Variants in EGFR observed in about 807,000 individuals in gnomAD.
EGFR encodes epidermal growth factor receptor.
A neutral mutation model predicts 143.0 loss-of-function variants in EGFR; 58 were observed. That is an observed-to-expected ratio of 0.41 (90% CI 0.33 to 0.50). EGFR has a LOEUF of 0.50. EGFR is among the 20% of genes least tolerant of loss of function. EGFR has a pLI of 0.39. For synonymous variants in EGFR, 613 were observed against 594.4 expected (o/e 1.03, Z -0.45); for missense variants, 1,307 against 1,579.0 (o/e 0.83, Z 2.92).
chr7:55,202,015 C>T (rs1787872404), intron 26 of EGFR, among the ~76,000 whole-genome samples: 1 of 152,064 alleles, frequency 6.6e-6, no homozygotes, highest in African/African-American at 2.4e-5. Context: ...AGGCCACTGC[C>T]CCAGTTTGAC....
At chr7:55,185,112 C>A (rs1210692066) in intron 20 of EGFR, among the ~76,000 whole-genome samples, 1 of 151,538 alleles carries the variant, frequency 6.6e-6, no homozygotes, top group African/African-American at 2.4e-5. Flanking sequence ...ACTAAACTGC[C>A]AAAGAGATTA....
chr7:55,185,737 G>T (rs949066004), intron 20 of EGFR, among the ~76,000 whole-genome samples: 1 of 152,188 alleles, frequency 6.6e-6, no homozygotes, highest in African/African-American at 2.4e-5. Context: ...AACAACGCAC[G>T]GTAGCGGTGG....
At chr7:55,156,890 C>G (rs755846976) in intron 10 of EGFR, 58 bp downstream of exon 10, 1 of 1,611,974 alleles carries the variant, frequency 6.2e-7, no homozygotes, top group Admixed American at 1.7e-5. Flanking sequence ...AGAGAGAGAA[C>G]TTTTCGACAT....
chr7:55,092,854 A>G (rs931786507), intron 1 of EGFR, among the ~76,000 whole-genome samples: 5 of 152,224 alleles, frequency 3.3e-5, no homozygotes, highest in African/African-American at 1.2e-4. Flanking sequence ...TATGGTTCTG[A>G]TGATGTTACT....
chr7:55,141,907 T>G (rs1794480538), intron 1 of EGFR, among the ~76,000 whole-genome samples: 1 of 152,238 alleles, frequency 6.6e-6, no homozygotes, highest in Admixed American at 6.5e-5. Flanking sequence ...TAATCCTGTC[T>G]TCAAGATTTT....
intron 7 of EGFR, among the ~76,000 whole-genome samples, chr7:55,154,917 G>A (rs1584174942): frequency 2.0e-5 from 3 of 148,484 alleles, no homozygotes; most frequent in South Asian, 2.1e-4. Context: ...ATTCCGTATG[G>A]AAAAAAAAAA....
At chr7:55,047,886 G>C (rs918541305) in intron 1 of EGFR, among the ~76,000 whole-genome samples, 2 of 152,152 alleles carry the variant, frequency 1.3e-5, no homozygotes, top group Non-Finnish European at 2.9e-5. Flanking sequence ...AACTGGGAAA[G>C]TATTTCACTG....
chr7:55,205,705 G>T lies in EGFR; in HGVS notation c.*88G>T. On this transcript the variant is annotated 3_prime_UTR_variant, in exon 28 of 28. Transcript: ENST00000275493. ...GCAGGTCCTCCATCCCAACAGCCAT[G>T]CCCGCATTAGCTCTTAGACCCACAG... 6.2e-7 allele frequency: 1 copy of T among 1,602,914 alleles called. No individual in the cohort carries two copies. Among genetic ancestry groups the T allele is most frequent in the Non-Finnish European group, 8.5e-7 (1 of 1,172,826 alleles).
At chr7:55,152,227 C>A in intron 5 of EGFR, 1 of 497,684 alleles carries the variant, frequency 2.0e-6, no homozygotes. Context: ...GCTGTTAGGC[C>A]CTTCTAAACA....
At chr7:55,058,908 A>G (rs1788997776) in intron 1 of EGFR, among the ~76,000 whole-genome samples, 1 of 152,234 alleles carries the variant, frequency 6.6e-6, no homozygotes, top group Non-Finnish European at 1.5e-5. Context: ...TCATTTAATG[A>G]TCTAAAAATA....
intron 1 of EGFR, among the ~76,000 whole-genome samples, chr7:55,102,939 A>G (rs973649474): frequency 1.3e-5 from 2 of 152,240 alleles, no homozygotes; most frequent in Non-Finnish European, 2.9e-5. Flanking sequence ...TGAAAGAGGA[A>G]CATTTCAGAC....
In EGFR at chr7:55,191,758, G is replaced by A. The variant is rs761920220; in HGVS notation, c.2509G>A (p.Asp837Asn). 3.7e-6 allele frequency: 6 copies of A among 1,613,854 alleles called. No individual in the cohort carries two copies. The African/African-American group carries it at 4.0e-5, about 11-fold the overall frequency. Residue 837 changes from aspartate (D) to asparagine (N), a missense_variant, in exon 21 of 28, where the codon GAC becomes AAC. Coordinates refer to ENST00000275493, the MANE Select transcript of EGFR (RefSeq NM_005228.5). ...GGAGGACCGTCGCTTGGTGCACCGC[G>A]ACCTGGCAGCCAGGAACGTACTGGT... ...YLEDRRLVHR[D>N]LAARNVLVKT...
At chr7:55,060,963 T>C (rs1340382142) in intron 1 of EGFR, among the ~76,000 whole-genome samples, 1 of 152,216 alleles carries the variant, frequency 6.6e-6, no homozygotes, top group Admixed American at 6.5e-5. Context: ...ACACTTTATG[T>C]TCTGCTACCT....
At chr7:55,161,327 C>T (rs1431322311) in intron 12 of EGFR, among the ~76,000 whole-genome samples, 172 bp from the exon 13 acceptor site, 2 of 152,388 alleles carry the variant, frequency 1.3e-5, no homozygotes, top group Middle Eastern at 3.4e-3. Flanking sequence ...CTTCCAGTCA[C>T]GGTCGGCCTC....
chr7:55,115,983 T>A (rs752249219), intron 1 of EGFR, among the ~76,000 whole-genome samples: 17 of 152,314 alleles, frequency 1.1e-4, no homozygotes, highest in Non-Finnish European at 1.5e-4. Flanking sequence ...GAAACAAGTG[T>A]TCCTAGGCAC....
chr7:55,203,120 CATACACACAT>C, intron 27 of EGFR: 1 of 261,360 alleles, frequency 3.8e-6, no homozygotes, highest in East Asian at 5.6e-5. Context: ...CACACATACA[CATACACACAT>C]ATACACACAC....
chr7:55,091,958 G>A (rs541009168), intron 1 of EGFR, among the ~76,000 whole-genome samples: 1 of 151,636 alleles, frequency 6.6e-6, no homozygotes, highest in South Asian at 2.1e-4. Flanking sequence ...AATAATACAT[G>A]CTCTAATGAA....
chr7:55,089,641 T>A (rs1328202257), intron 1 of EGFR, among the ~76,000 whole-genome samples: 1 of 152,192 alleles, frequency 6.6e-6, no homozygotes, highest in Non-Finnish European at 1.5e-5. Flanking sequence ...AAATTAGCCA[T>A]AAATCTCTTA....
At chr7:55,082,347 C>A (rs1028113194) in intron 1 of EGFR, among the ~76,000 whole-genome samples, 2 of 152,182 alleles carry the variant, frequency 1.3e-5, no homozygotes, top group Non-Finnish European at 2.9e-5. Flanking sequence ...GTACCCCACC[C>A]CTGCCCACAT....
Sources: gnomAD v4.1 joint callset for allele counts (sites outside exome capture counted in the v4.1 genomes callset) on GRCh38, gnomAD v4.1.1 for gene constraint, MANE v1.5 for transcripts, NCBI Gene and HGNC (gene_info 2026-07-23, HGNC 2026-07-21) for gene names.